The following FCRL2 variants were observed in gnomAD, a reference collection of about 807,000 sequenced individuals.
The protein encoded by FCRL2 is Fc receptor like 2, also known as Fc receptor-like protein 2.
Under a neutral mutation model 59.8 loss-of-function variants are expected in FCRL2, and 48 were observed. The ratio of observed to expected loss-of-function variants is 0.80; its 90% confidence interval spans 0.64 to 1.02. The LOEUF (loss-of-function observed/expected upper bound fraction) is 1.02, where lower values mean the gene tolerates loss of function less well. Among genes scored for constraint, FCRL2 ranks in the 50% least tolerant of loss-of-function variants. The pLI is 0.00. For synonymous variants in FCRL2, 251 were observed against 229.5 expected, an observed-to-expected ratio of 1.09 and a Z score of -0.85; for missense variants, 658 against 597.3, an observed-to-expected ratio of 1.10 and a Z score of -1.06.
At chr1:157,771,333 A>G (rs1269042004) in intron 2 of FCRL2, among the ~76,000 whole-genome samples, 3 of 152,094 alleles carry the variant, frequency 2.0e-5, no homozygotes, top group South Asian at 2.1e-4. Flanking sequence ...TTCATCCTCC[A>G]TGCTGTCATC....
chr1:157,761,835 C>T (rs1176343955), intron 7 of FCRL2, among the ~76,000 whole-genome samples: 1 of 152,022 alleles, frequency 6.6e-6, no homozygotes, highest in Non-Finnish European at 1.5e-5. Context: ...CCAAAAGACA[C>T]GGCAGCTTAA....
intron 7 of FCRL2, among the ~76,000 whole-genome samples, chr1:157,760,597 A>G (rs1355329854): frequency 1.3e-5 from 2 of 151,292 alleles, no homozygotes. Flanking sequence ...ATTGCACTCC[A>G]ACCTGGGAGA....
intron 1 of FCRL2, 123 bp from the exon 2 acceptor site, chr1:157,775,918 C>T: frequency 9.5e-7 from 1 of 1,052,196 alleles, no homozygotes; most frequent in Non-Finnish European, 1.4e-6. Flanking sequence ...TTCTATTTCC[C>T]TAATCTCTTA....
At chr1:157,758,680 C>CAAAA (rs59716565) in intron 7 of FCRL2, among the ~76,000 whole-genome samples, 2,350 of 54,446 alleles carry the variant, frequency 0.043, no homozygotes, top group African/African-American at 0.054. Context: ...CAGTCCCAAG[C>CAAAA]AAAAAAAAAA....
intron 7 of FCRL2, among the ~76,000 whole-genome samples, chr1:157,757,639 A>C (rs918007535): frequency 2.0e-5 from 3 of 152,210 alleles, no homozygotes; most frequent in African/African-American, 7.2e-5. Context: ...TCTTAACCTT[A>C]AACTTCCCAG....
chr1:157,769,861 C>CTTG lies in FCRL2; in HGVS notation c.595+2_595+4dup. 1 of 1,613,144 alleles carries CTTG rather than the reference C, an allele frequency of 6.2e-7. No homozygotes were observed. The highest frequency in any genetic ancestry group is 1.1e-5 in the South Asian group (1 of 91,060). ...TTCTCCAGGCTCAGCCTCACTGATA[C>CTTG]TTGCTCTGCACGTGAATCTGGGATT... On this transcript the variant is annotated splice_donor_region_variant and intron_variant, in intron 4 of 11. Transcript: ENST00000361516.
At chr1:157,775,726 G>T in intron 2 of FCRL2, 49 bp downstream of exon 2, 1 of 1,608,106 alleles carries the variant, frequency 6.2e-7, no homozygotes, top group African/African-American at 1.3e-5. Flanking sequence ...GGGTAGTGGG[G>T]TGACTGATAT....
Position 157,746,328 on chromosome 1 carries a change from C to A in FCRL2, c.*408G>T. On this transcript the variant is annotated 3_prime_UTR_variant, in exon 12 of 12. Coordinates refer to ENST00000361516, the MANE Select transcript of FCRL2 (RefSeq NM_030764.4). Reference sequence around the variant, plus strand: ...CCAATATTCCCAATGAACATATTTGCAAAAATTCTCAACAAAATATTAGCA... The same window carrying A: ...CCAATATTCCCAATGAACATATTTGAAAAAATTCTCAACAAAATATTAGCA... 6.0e-6 allele frequency: 1 copy of A among 165,652 alleles called. No individual in the cohort carries two copies. 10.3% of individuals were successfully genotyped at this position (165,652 alleles called of 1,614,324 possible).
chr1:157,761,760 T>C (rs556961416), intron 7 of FCRL2, among the ~76,000 whole-genome samples: 1 of 152,306 alleles, frequency 6.6e-6, no homozygotes, highest in South Asian at 2.1e-4. Flanking sequence ...ATCACTCTGA[T>C]TTGTCTAAAT....
At chr1:157,757,271 AG>A (rs1648665339) in intron 7 of FCRL2, among the ~76,000 whole-genome samples, 1 of 152,198 alleles carries the variant, frequency 6.6e-6, no homozygotes, top group South Asian at 2.1e-4. Flanking sequence ...CATATATTGA[AG>A]TACTAATGCC....
chr1:157,766,021 A>G (rs1014798310), intron 7 of FCRL2, among the ~76,000 whole-genome samples: 1 of 152,174 alleles, frequency 6.6e-6, no homozygotes, highest in Non-Finnish European at 1.5e-5. Context: ...CTGAAACTGC[A>G]AACTATGGCC....
intron 7 of FCRL2, among the ~76,000 whole-genome samples, chr1:157,765,558 G>T (rs948247280): frequency 6.6e-6 from 1 of 152,162 alleles, no homozygotes; most frequent in Admixed American, 6.5e-5. Flanking sequence ...AGACGAGAAG[G>T]GGCTCAGGGA....
chr1:157,748,443 A>AATAG (rs1647922130), intron 10 of FCRL2, 110 bp downstream of exon 10: 1 of 239,478 alleles, frequency 4.2e-6, no homozygotes, highest in African/African-American at 4.4e-5. Context: ...TAGATAGACA[A>AATAG]ATAAATAAAT....
chr1:157,760,672 AAGGAAG>A (rs1648960181), intron 7 of FCRL2, among the ~76,000 whole-genome samples: 1 of 139,794 alleles, frequency 7.2e-6, no homozygotes, highest in South Asian at 2.3e-4. Context: ...GGAAGGAAGG[AAGGAAG>A]GAAAGAAAGA....
chr1:157,770,720 G>A, intron 2 of FCRL2, 54 bp from the exon 3 acceptor site: 1 of 1,598,178 alleles, frequency 6.3e-7, no homozygotes, highest in Non-Finnish European at 8.5e-7. Flanking sequence ...AACCCAGACA[G>A]ACTCCATTGG....
chr1:157,770,561 T>C lies in FCRL2; in HGVS notation c.158A>G (p.Lys53Arg), dbSNP rs1390246366. 1 of 1,614,250 alleles carries C rather than the reference T, an allele frequency of 6.2e-7. No homozygotes were observed. Among genetic ancestry groups the C allele is most frequent in the African/African-American group, 1.3e-5 (1 of 75,072 alleles). Residue 53 changes from lysine (K) to arginine (R), a missense_variant, in exon 3 of 12, where the codon AAG becomes AGG. Transcript: ENST00000361516. ...NWKIQKMAYH[K>R]DNKELSVFKK... ...GAAAACAGATAACTCTTTGTTATCC[T>C]TATGGTAAGCCATCTTCTGAATTTT...
Position 157,775,671 on chromosome 1 carries a change from A to G in FCRL2, c.52+104T>C. The G allele has an allele frequency of 3.2e-6, 4 of 1,260,556 alleles. No individual in the cohort carries two copies. In the South Asian group the frequency reaches 3.8e-5, roughly 12 times the overall value. The allele number at this position is 1,260,556 out of a possible 1,614,324, so 78.1% of individuals were successfully genotyped here. On this transcript the variant is annotated intron_variant, in intron 2 of 11. Coordinates refer to ENST00000361516, the MANE Select transcript of FCRL2 (RefSeq NM_030764.4). ...TGTCAGCCTAGAGGGCAGTAATATT[A>G]GGACATCTTCACAGGCTTTCCAGAG...
chr1:157,763,481 C>T (rs914367366), intron 7 of FCRL2, among the ~76,000 whole-genome samples: 1 of 151,992 alleles, frequency 6.6e-6, no homozygotes, highest in Non-Finnish European at 1.5e-5. Context: ...GCCAAGAACA[C>T]ACCATTGTGC....
At chr1:157,770,272 A>C in intron 3 of FCRL2, 122 bp from the exon 4 acceptor site, 2 of 1,450,310 alleles carry the variant, frequency 1.4e-6, no homozygotes, top group Non-Finnish European at 1.9e-6. Flanking sequence ...CTCACCCATC[A>C]TGGCTCCTTT....
Sources: allele counts gnomAD v4.1 joint callset (sites outside exome capture counted in the v4.1 genomes callset), GRCh38; gene constraint gnomAD v4.1.1; transcripts MANE v1.5; gene names NCBI Gene and HGNC (gene_info 2026-07-23, HGNC 2026-07-21).